The following ZMAT2 variants were observed in gnomAD, a reference collection of about 807,000 sequenced individuals.
ZMAT2 encodes zinc finger matrin-type protein 2.
Under a neutral mutation model 27.5 loss-of-function variants are expected in ZMAT2, and 5 were observed. The observed-to-expected ratio is 0.18, with a 90% CI of 0.10 to 0.38. The LOEUF is 0.38. ZMAT2 is among the 10% of genes least tolerant of loss of function. ZMAT2 has a pLI of 1.00. For synonymous variants in ZMAT2, 76 were observed against 78.6 expected (o/e 0.97, Z 0.17); for missense variants, 124 against 243.9 (o/e 0.51, Z 3.27).
intron 4 of ZMAT2, 50 bp downstream of exon 4, chr5:140,704,041 G>A (rs753811871): frequency 4.5e-6 from 7 of 1,552,268 alleles, no homozygotes; most frequent in African/African-American, 1.4e-5. Context: ...GGTTTTGGAG[G>A]TGGGGTGGAA....
At chr5:140,704,239 C>T (rs1229650165) in intron 4 of ZMAT2, among the ~76,000 whole-genome samples, 187 bp from the exon 5 acceptor site, 2 of 152,102 alleles carry the variant, frequency 1.3e-5, no homozygotes, top group African/African-American at 4.8e-5. Context: ...ATTCTGGAGG[C>T]CATGAGGCTT....
intron 1 of ZMAT2, 151 bp downstream of exon 1, chr5:140,700,629 G>A (rs942780892): frequency 6.2e-6 from 9 of 1,462,224 alleles, no homozygotes; most frequent in Non-Finnish European, 7.4e-6. Context: ...ATAGGCCTTG[G>A]CAGAGGGTCA....
intron 5 of ZMAT2, 145 bp from the exon 6 acceptor site, chr5:140,705,468 A>G (rs1455754829): frequency 5.2e-6 from 5 of 953,398 alleles, no homozygotes; most frequent in East Asian, 5.3e-5. Flanking sequence ...TTGTGCCTCA[A>G]TATCCCCATA....
chr5:140,700,798 G>T (rs1344656000), intron 1 of ZMAT2, 21 bp from the exon 2 acceptor site: 8 of 1,613,094 alleles, frequency 5.0e-6, no homozygotes, highest in Non-Finnish European at 6.8e-6. Flanking sequence ...GACGGATCTT[G>T]ACGCTTTTTC....
intron 5 of ZMAT2, among the ~76,000 whole-genome samples, chr5:140,705,023 ATAAAG>A (rs1760033179): frequency 6.6e-6 from 1 of 152,184 alleles, no homozygotes; most frequent in Non-Finnish European, 1.5e-5. Context: ...CTATTCTATA[ATAAAG>A]TATTCATCTC....
rs775366890 is a variant in ZMAT2, at chr5:140,704,441, G to C, written c.326G>C (p.Gly109Ala). ...CCCTATGCAGATCAGAGAAACCTGG[G>C]CATGTCTATGCGTGTGGAACGTTCC... ...INGKKHQRNL[G>A]MSMRVERSTL... The change falls in exon 5 of 6, where the codon GGC (glycine) becomes GCC (alanine). Residue 109 changes from glycine (G) to alanine (A), a missense_variant. This residue lies in a region of ZMAT2 where 11 missense variants were observed against 68.1 expected (regional missense o/e 0.16). Coordinates refer to ENST00000274712, the MANE Select transcript of ZMAT2 (RefSeq NM_144723.3). The C allele has an allele frequency of 6.2e-7, 1 of 1,613,728 alleles. No homozygotes were observed. The highest frequency in any genetic ancestry group is 8.5e-7 in the Non-Finnish European group (1 of 1,179,826).
intron 4 of ZMAT2, 57 bp from the exon 5 acceptor site, chr5:140,704,369 T>C (rs1440514954): frequency 6.5e-7 from 1 of 1,548,022 alleles, no homozygotes; most frequent in Middle Eastern, 1.7e-4. Flanking sequence ...AAAATAATTT[T>C]TGAGGGGCTG....
At position 140,700,813 on chromosome 5, in the gene ZMAT2, C is replaced by T; in HGVS notation, c.19-6C>T. ...GACGGATCTTGACGCTTTTTCCTCC[C>T]CACAGACAAAAAACTTGGACTTTCG... On this transcript the variant is annotated splice_region_variant and splice_polypyrimidine_tract_variant and intron_variant, in intron 1 of 5. Coordinates refer to ENST00000274712, the MANE Select transcript of ZMAT2 (RefSeq NM_144723.3). 22 of 1,613,660 alleles carry T rather than the reference C, an allele frequency of 1.4e-5. No individual in the cohort carries two copies. The highest frequency in any genetic ancestry group is 1.9e-5 in the Non-Finnish European group (22 of 1,179,798).
chr5:140,704,817 A>T (rs73791756), intron 5 of ZMAT2, among the ~76,000 whole-genome samples: 74,369 of 145,502 alleles, frequency 0.51, 19,677 homozygotes, highest in African/African-American at 0.65. Context: ...TTAAAAAAAA[A>T]TTTTTTTTTT....
At chr5:140,701,933 T>C in intron 2 of ZMAT2, 73 bp from the exon 3 acceptor site, 1 of 1,531,546 alleles carries the variant, frequency 6.5e-7, no homozygotes, top group Non-Finnish European at 8.8e-7. Flanking sequence ...AATTTTGGAT[T>C]TCATGCATTT....
chr5:140,705,012 C>T (rs1337022851), intron 5 of ZMAT2, among the ~76,000 whole-genome samples: 3 of 151,940 alleles, frequency 2.0e-5, no homozygotes, highest in African/African-American at 7.3e-5. Flanking sequence ...TAACACAAAG[C>T]CTATTCTATA....
chr5:140,703,901 C>G lies in ZMAT2; in HGVS notation c.237-17C>G. 1 of 1,611,156 alleles carries G rather than the reference C, an allele frequency of 6.2e-7. No homozygotes were observed. The highest frequency in any genetic ancestry group is 8.5e-7 in the Non-Finnish European group (1 of 1,177,834). On this transcript the variant is annotated splice_polypyrimidine_tract_variant and intron_variant, in intron 3 of 5. Transcript: ENST00000274712. The stretch of plus-strand genomic sequence containing the variant: ...CTTAAAACCATATTTGACTCAGGTG[C>G]TGTTTCTTCCTGTTAGATATTACTG...
chr5:140,701,245 GC>G (rs765289382), intron 2 of ZMAT2, among the ~76,000 whole-genome samples: 1 of 152,066 alleles, frequency 6.6e-6, no homozygotes, highest in Non-Finnish European at 1.5e-5. Flanking sequence ...GTGCATTACC[GC>G]TATCAGTGAC....
chr5:140,700,965 T>C, intron 2 of ZMAT2, 53 bp downstream of exon 2: 1 of 1,577,714 alleles, frequency 6.3e-7, no homozygotes, highest in Admixed American at 1.8e-5. Flanking sequence ...GATGCGATGA[T>C]GGAGAGCGGG....
At chr5:140,701,286 G>T (rs1312468850) in intron 2 of ZMAT2, among the ~76,000 whole-genome samples, 1 of 152,084 alleles carries the variant, frequency 6.6e-6, no homozygotes. Flanking sequence ...TTTCTTAAGG[G>T]AGAGAACATT....
chr5:140,703,884 C>T, intron 3 of ZMAT2, 34 bp from the exon 4 acceptor site: 1 of 1,596,052 alleles, frequency 6.3e-7, no homozygotes, highest in Non-Finnish European at 8.6e-7. Context: ...TCCTTAAAAC[C>T]ATATTTGACT....
chr5:140,700,576 T>A (rs978716783), intron 1 of ZMAT2, 98 bp downstream of exon 1: 1 of 1,592,128 alleles, frequency 6.3e-7, no homozygotes. Context: ...CTTCCCGATA[T>A]CTCCTCGAGA....
At position 140,702,090 on chromosome 5, in the gene ZMAT2, T is replaced by C; in HGVS notation, c.197T>C (p.Ile66Thr). ...VDLESKLGKT[I>T]VITKTTPQSE... ...TTGGAATCCAAGCTTGGGAAGACAATTGTCATTACCAAGACAACCCCTCAA... is the reference window on the plus strand; with the variant it reads ...TTGGAATCCAAGCTTGGGAAGACAACTGTCATTACCAAGACAACCCCTCAA... Residue 66 changes from isoleucine (I) to threonine (T), a missense_variant, in exon 3 of 6, where the codon ATT (isoleucine) becomes ACT (threonine). Physicochemically the swap from Ile to Thr is moderately conservative, Grantham distance 89. Around this residue, in one of 5 missense-constraint regions of ZMAT2, gnomAD observed 34 missense variants for 50.8 expected, o/e 0.67. Coordinates refer to ENST00000274712, the MANE Select transcript of ZMAT2 (RefSeq NM_144723.3). The C allele has an allele frequency of 6.2e-7, 1 of 1,613,618 alleles. No homozygotes were observed. The highest frequency in any genetic ancestry group is 8.5e-7 in the Non-Finnish European group (1 of 1,179,804).
rs1760022844 is a variant in ZMAT2 at position 140,704,677 on chromosome 5, A to C, written c.456+106A>C. The C allele has an allele frequency of 4.9e-6, 6 of 1,226,516 alleles. No individual in the cohort carries two copies. In the African/African-American group the frequency reaches 7.6e-5, roughly 16 times the overall value. 76.0% of individuals were successfully genotyped at this position (1,226,516 alleles called of 1,614,324 possible). ...CTCCTACTCCCACCCCCAGAGTTGT[A>C]TCTCCTGAGTTCTGTATATTAGCGG... On this transcript the variant is annotated intron_variant, in intron 5 of 5. Coordinates refer to ENST00000274712, the MANE Select transcript of ZMAT2 (RefSeq NM_144723.3).
Sources: gnomAD v4.1 joint callset for allele counts (sites outside exome capture counted in the v4.1 genomes callset) on GRCh38, gnomAD v4.1.1 for gene constraint, gnomAD v4.1.1 regional missense constraint, MANE v1.5 for transcripts, NCBI Gene and HGNC (gene_info 2026-07-23, HGNC 2026-07-21) for gene names.